Variants in TTLL9 observed in about 807,000 individuals in gnomAD.
The protein encoded by TTLL9 is probable tubulin polyglutamylase TTLL9.
In TTLL9, 47 loss-of-function variants were observed where a neutral mutation model predicts 65.6. The ratio of observed to expected loss-of-function variants is 0.72; its 90% CI spans 0.57 to 0.91. The LOEUF is 0.91. Ranked by LOEUF, TTLL9 falls within the 40% of genes least tolerant of loss-of-function variation. The pLI is 0.00. For missense variants in TTLL9, 537 were observed against 568.8 expected (o/e 0.94, Z 0.57); for synonymous variants, 179 against 204.8 (o/e 0.87, Z 1.07).
chr20:31,870,727 A>C lies in TTLL9; in HGVS notation c.-228A>C. On this transcript the variant is annotated 5_prime_UTR_variant, in exon 1 of 15. Coordinates refer to ENST00000535842, the MANE Select transcript of TTLL9 (RefSeq NM_001008409.5). This position sits in a 1 kb window ranked among gnomAD's most constrained non-coding sequence, Gnocchi z 6.6. ...GAGGTGGGGGCGGGGGCCTTACCCC[A>C]CCCTGGCACCGGCAGGCGCGGGCGG... 2 of 589,762 alleles carry C rather than the reference A, an allele frequency of 3.4e-6. No homozygotes were observed. The highest frequency in any genetic ancestry group is 2.6e-6 in the Non-Finnish European group (1 of 391,370). The allele number at this position is 589,762 out of a possible 1,614,324, so 36.5% of individuals were successfully genotyped here.
intron 4 of TTLL9, among the ~76,000 whole-genome samples, chr20:31,900,793 G>A (rs1398114542): frequency 7.2e-5 from 11 of 152,156 alleles, no homozygotes; most frequent in Admixed American, 4.6e-4. Context: ...GGTGGGGGTG[G>A]TGTAGGGGAG....
At chr20:31,880,388 C>T (rs1401298815) in intron 2 of TTLL9, among the ~76,000 whole-genome samples, 2 of 152,158 alleles carry the variant, frequency 1.3e-5, no homozygotes, top group Non-Finnish European at 2.9e-5. Context: ...CAAACCTCTG[C>T]CCTCCAAGAG....
chr20:31,905,297 A>G (rs1211639737), intron 4 of TTLL9, among the ~76,000 whole-genome samples: 1 of 151,274 alleles, frequency 6.6e-6, no homozygotes, highest in Non-Finnish European at 1.5e-5. Context: ...CTGGTCTCAA[A>G]CTCCTGACCT....
chr20:31,940,614 T>G (rs2064188046), intron 14 of TTLL9: 2 of 152,198 alleles, frequency 1.3e-5, no homozygotes, highest in South Asian at 4.1e-4. Context: ...TCATCCTTCC[T>G]CAGGTCTCTC....
Position 31,925,064 on chromosome 20 carries a change from T to TG in TTLL9, c.705+20dup. ...TGGTGATGTCGGTGAGTAACAAAGG[T>TG]GGGGGCCCTCCTCCAGCAGGGGTTA... On this transcript the variant is annotated intron_variant, in intron 9 of 14. Transcript: ENST00000535842. The TG allele has an allele frequency of 6.2e-7, 1 of 1,612,660 alleles. No individual in the cohort carries two copies. Among genetic ancestry groups the TG allele is most frequent in the South Asian group, 1.1e-5 (1 of 91,020 alleles).
At position 31,925,033 on chromosome 20, in the gene TTLL9, A is replaced by G; in HGVS notation, c.689A>G (p.Tyr230Cys). ...GGCCGCAAGTTTGACCTGCGTGTCT[A>G]TGTGCTGGTGATGTCGGTGAGTAAC... The part of the protein sequence containing the change: ...IGGRKFDLRV[Y>C]VLVMSVFAEC... Residue 230 changes from tyrosine (Y) to cysteine (C), a missense_variant, in exon 9 of 15, where the codon TAT (tyrosine) becomes TGT (cysteine). By Grantham distance (194) the Tyr-to-Cys change is radical. Coordinates refer to ENST00000535842, the MANE Select transcript of TTLL9 (RefSeq NM_001008409.5). 1 of 1,613,932 alleles carries G rather than the reference A, an allele frequency of 6.2e-7. No individual in the cohort carries two copies. The highest frequency in any genetic ancestry group is 8.5e-7 in the Non-Finnish European group (1 of 1,179,942).
At chr20:31,941,063 A>G (rs1025890684) in intron 14 of TTLL9, 1 of 151,896 alleles carries the variant, frequency 6.6e-6, no homozygotes, top group Non-Finnish European at 1.5e-5. Context: ...TAAAAAATAC[A>G]AAAAAATTAG....
chr20:31,925,094 G>T, intron 9 of TTLL9, 45 bp downstream of exon 9: 1 of 1,609,548 alleles, frequency 6.2e-7, no homozygotes, highest in East Asian at 2.2e-5. Flanking sequence ...GGGTTAAAGG[G>T]TGGCTGGGCT....
intron 10 of TTLL9, 66 bp from the exon 11 acceptor site, chr20:31,933,731 CTGG>C: frequency 6.7e-7 from 1 of 1,499,030 alleles, no homozygotes; most frequent in Middle Eastern, 1.7e-4. Flanking sequence ...CAGTTCAGTC[CTGG>C]GGACTTCGTG....
chr20:31,888,847 C>T (rs1054761762), intron 3 of TTLL9, among the ~76,000 whole-genome samples: 4 of 151,990 alleles, frequency 2.6e-5, no homozygotes, highest in Admixed American at 6.6e-5. Flanking sequence ...ACCAGATCTC[C>T]CGTGAACTAA....
chr20:31,904,059 G>C (rs754109596), intron 4 of TTLL9, among the ~76,000 whole-genome samples: 3 of 152,142 alleles, frequency 2.0e-5, no homozygotes, highest in African/African-American at 4.8e-5. Flanking sequence ...AATTGGATTT[G>C]TCTGATGTTT....
At chr20:31,889,972 C>T (rs55923831) in intron 3 of TTLL9, among the ~76,000 whole-genome samples, 5,197 of 114,004 alleles carry the variant, frequency 0.046, 197 homozygotes, top group Middle Eastern at 0.069. Context: ...CCACATCTCT[C>T]TCTTTCTTTC....
In TTLL9 at chr20:31,897,253, G is replaced by A. The variant is rs143397759; in HGVS notation, c.114-1220G>A. Among the ~76,000 whole-genome samples the A allele has an allele frequency of 8.3e-4, 126 of 152,320 alleles. 3 individuals carry two copies. The East Asian group carries it at 0.023, about 28-fold the overall frequency. Reference sequence around the variant, plus strand: ...CCTATTTCATATTGGATGAGTTGTAGTAATTGTGCTTTTTGAGGAATTGTT... The same window carrying A: ...CCTATTTCATATTGGATGAGTTGTAATAATTGTGCTTTTTGAGGAATTGTT... On this transcript the variant is annotated intron_variant, in intron 3 of 14. Transcript: ENST00000535842.
At chr20:31,923,294 C>T (rs930568315) in intron 8 of TTLL9, among the ~76,000 whole-genome samples, 1 of 152,226 alleles carries the variant, frequency 6.6e-6, no homozygotes, top group Non-Finnish European at 1.5e-5. Context: ...TAAAAACCAA[C>T]TTATTCATGC....
At chr20:31,923,117 C>T in intron 8 of TTLL9, 64 bp downstream of exon 8, 1 of 1,315,496 alleles carries the variant, frequency 7.6e-7, no homozygotes. Context: ...AGTCAACAAG[C>T]TTTGACCAGC....
chr20:31,887,124 G>A, intron 2 of TTLL9, 72 bp from the exon 3 acceptor site: 1 of 1,492,872 alleles, frequency 6.7e-7, no homozygotes, highest in Non-Finnish European at 9.3e-7. Context: ...TTTAATATCT[G>A]CAGTAAGTTA....
At chr20:31,874,738 T>C (rs188623415) in intron 2 of TTLL9, among the ~76,000 whole-genome samples, 2 of 152,158 alleles carry the variant, frequency 1.3e-5, no homozygotes, top group East Asian at 1.9e-4. Context: ...GAGATTATGA[T>C]GGATTATTCA....
intron 3 of TTLL9, among the ~76,000 whole-genome samples, chr20:31,890,092 CTTTCCCTCCCTTCCTT>C (rs2063275773): frequency 1.7e-5 from 2 of 116,876 alleles, no homozygotes; most frequent in African/African-American, 7.8e-5. Context: ...TTCTTGCTTT[CTTTCCCTCCCTTCCTT>C]CCTTCCTTCC....
chr20:31,930,053 G>A (rs202168614), intron 10 of TTLL9, among the ~76,000 whole-genome samples: 3 of 152,090 alleles, frequency 2.0e-5, no homozygotes, highest in Non-Finnish European at 2.9e-5. Flanking sequence ...ACTTGAACCC[G>A]GGAGGTGGAG....
Sources: gnomAD v4.1 joint callset for allele counts (sites outside exome capture counted in the v4.1 genomes callset) on GRCh38, gnomAD v4.1.1 for gene constraint, Gnocchi (gnomAD v3.1) non-coding constraint, MANE v1.5 for transcripts, NCBI Gene and HGNC (gene_info 2026-07-23, HGNC 2026-07-21) for gene names.